CDCA7L: variants seen among roughly 807,000 people sequenced by gnomAD.
The protein encoded by CDCA7L is cell division cycle associated 7 like, also known as cell division cycle-associated 7-like protein.
Under a neutral mutation model 57.4 loss-of-function variants are expected in CDCA7L, and 44 were observed. The ratio of observed to expected loss-of-function variants is 0.77; its 90% CI spans 0.60 to 0.98. CDCA7L has a LOEUF of 0.98. CDCA7L is among the 50% of genes least tolerant of loss of function. The pLI is 0.00. For synonymous variants in CDCA7L, 236 were observed against 202.8 expected (o/e 1.16, Z -1.39); for missense variants, 644 against 580.6 (o/e 1.11, Z -1.12).
At chr7:21,920,155 C>T (rs1447446135) in intron 1 of CDCA7L, among the ~76,000 whole-genome samples, 4 of 152,178 alleles carry the variant, frequency 2.6e-5, no homozygotes, top group African/African-American at 9.7e-5. Context: ...TTGGCTTTTG[C>T]ACAATCAGTG....
intron 1 of CDCA7L, among the ~76,000 whole-genome samples, chr7:21,934,806 G>A (rs896988677): frequency 5.9e-5 from 9 of 152,134 alleles, no homozygotes; most frequent in East Asian, 1.9e-4. Context: ...GTCAAAAACT[G>A]TTGTGAAAGA....
At chr7:21,929,610 T>C (rs1322135676) in intron 1 of CDCA7L, among the ~76,000 whole-genome samples, 2 of 73,332 alleles carry the variant, frequency 2.7e-5, no homozygotes, top group Non-Finnish European at 5.2e-5. Context: ...GATGGAGGAA[T>C]ATTATCCAGC....
chr7:21,902,797 C>G lies in CDCA7L; in HGVS notation c.1334+181G>C, dbSNP rs1004285695. 8 of 593,370 alleles carry G rather than the reference C, an allele frequency of 1.3e-5. No homozygotes were observed. The African/African-American group carries it at 1.5e-4, about 11-fold the overall frequency. The allele number at this position is 593,370 out of a possible 1,614,324, so 36.8% of individuals were successfully genotyped here. ...AAAATCTAGCAAAGGAGAAGATTCCCTAATAGGGAAAATATCAGGCCTGAG... is the reference window on the plus strand; with the variant it reads ...AAAATCTAGCAAAGGAGAAGATTCCGTAATAGGGAAAATATCAGGCCTGAG... On this transcript the variant is annotated intron_variant, in intron 9 of 9. Coordinates refer to ENST00000406877, the MANE Select transcript of CDCA7L (RefSeq NM_018719.5).
chr7:21,945,354 C>G (rs1011175318), intron 1 of CDCA7L, among the ~76,000 whole-genome samples: 17 of 146,478 alleles, frequency 1.2e-4, no homozygotes, highest in Non-Finnish European at 2.5e-4. Context: ...GTCTGGCGAT[C>G]GACTGTTAAA....
chr7:21,908,538 A>T, intron 3 of CDCA7L, 31 bp from the exon 4 acceptor site: 1 of 1,494,024 alleles, frequency 6.7e-7, no homozygotes, highest in Non-Finnish European at 8.9e-7. Flanking sequence ...AAAAGCACAA[A>T]GACACTGTTA....
Position 21,900,919 on chromosome 7 carries a change from G to C in CDCA7L, c.*1403C>G. 1.4e-6 allele frequency: 2 copies of C among 1,446,244 alleles called. No homozygotes were observed. Among genetic ancestry groups the C allele is most frequent in the South Asian group, 1.5e-5 (1 of 64,862 alleles). 89.6% of individuals were successfully genotyped at this position (1,446,244 alleles called of 1,614,324 possible). On this transcript the variant is annotated 3_prime_UTR_variant, in exon 10 of 10. Coordinates refer to ENST00000406877, the MANE Select transcript of CDCA7L (RefSeq NM_018719.5). ...AAAAATATGACAAAACCAGAATGTTGAATGTTTATTGCATCAAACAACTTA... is the reference window on the plus strand; with the variant it reads ...AAAAATATGACAAAACCAGAATGTTCAATGTTTATTGCATCAAACAACTTA...
intron 9 of CDCA7L, 132 bp downstream of exon 9, chr7:21,902,846 G>T: frequency 1.3e-6 from 1 of 762,138 alleles, no homozygotes; most frequent in Non-Finnish European, 2.1e-6. Context: ...AACAGATACA[G>T]AATGGATGGT....
At chr7:21,941,210 GA>G (rs1330151301) in intron 1 of CDCA7L, among the ~76,000 whole-genome samples, 9 of 151,808 alleles carry the variant, frequency 5.9e-5, no homozygotes, top group East Asian at 1.9e-4. Context: ...CTCTAATAAA[GA>G]AAAAAATATT....
At chr7:21,930,995 T>A (rs879914718) in intron 1 of CDCA7L, among the ~76,000 whole-genome samples, 8 of 151,704 alleles carry the variant, frequency 5.3e-5, no homozygotes, top group Non-Finnish European at 5.9e-5. Flanking sequence ...GAGAATACTA[T>A]AAACAGCTCT....
At chr7:21,925,423 G>A (rs567837359) in intron 1 of CDCA7L, among the ~76,000 whole-genome samples, 1 of 152,314 alleles carries the variant, frequency 6.6e-6, no homozygotes, top group East Asian at 1.9e-4. Context: ...CTGGTATGAG[G>A]ACACTGAACC....
In CDCA7L at chr7:21,908,341, G is replaced by C. The variant is rs1436905850; in HGVS notation, c.470C>G (p.Pro157Arg). The change falls in exon 4 of 10, where the codon CCA (proline) becomes CGA (arginine). Residue 157 changes from proline to arginine, a missense_variant. Coordinates refer to ENST00000406877, the MANE Select transcript of CDCA7L (RefSeq NM_018719.5). ...CTGCTCGGAAGAACTGTTTTTATCT[G>C]GTTTGTTGGCCAGCTTCTTGGTGGG... The part of the protein sequence containing the change: ...QFPTKKLANK[P>R]DKNSSSEQLF... The C allele has an allele frequency of 6.2e-7, 1 of 1,608,012 alleles. No individual in the cohort carries two copies. The highest frequency in any genetic ancestry group is 8.5e-7 in the Non-Finnish European group (1 of 1,178,308).
intron 2 of CDCA7L, among the ~76,000 whole-genome samples, chr7:21,914,472 G>C (rs980799461): frequency 2.0e-4 from 31 of 152,194 alleles, no homozygotes; most frequent in Non-Finnish European, 2.8e-4. Flanking sequence ...AATCCAGTAA[G>C]ACTTCATGGA....
intron 1 of CDCA7L, among the ~76,000 whole-genome samples, chr7:21,928,302 C>T (rs2128066303): frequency 6.6e-6 from 1 of 152,230 alleles, no homozygotes; most frequent in South Asian, 2.1e-4. Flanking sequence ...ATCCGAAGGT[C>T]ACCAACATCA....
At chr7:21,904,610 G>T (rs900053783) in intron 7 of CDCA7L, among the ~76,000 whole-genome samples, 2 of 152,184 alleles carry the variant, frequency 1.3e-5, no homozygotes, top group Non-Finnish European at 2.9e-5. Flanking sequence ...GATCTAGGTT[G>T]TGCACCCTTT....
chr7:21,942,553 A>G (rs1165425969), intron 1 of CDCA7L, among the ~76,000 whole-genome samples: 3 of 152,056 alleles, frequency 2.0e-5, no homozygotes, highest in Non-Finnish European at 4.4e-5. Flanking sequence ...GTAAAGGAAA[A>G]CTCTCAAGAG....
At chr7:21,915,568 C>A (rs757759191) in intron 2 of CDCA7L, among the ~76,000 whole-genome samples, 4 of 145,536 alleles carry the variant, frequency 2.7e-5, no homozygotes, top group African/African-American at 1.0e-4. Flanking sequence ...GAGGCCAAGG[C>A]GGGCAGATCA....
chr7:21,912,001 C>A (rs1205727929), intron 2 of CDCA7L, among the ~76,000 whole-genome samples: 4 of 151,670 alleles, frequency 2.6e-5, no homozygotes. Flanking sequence ...AGTGGCTCAC[C>A]CTGTAATCCC....
chr7:21,927,849 G>C (rs974734830), intron 1 of CDCA7L, among the ~76,000 whole-genome samples: 9 of 152,214 alleles, frequency 5.9e-5, no homozygotes, highest in Admixed American at 1.3e-4. Flanking sequence ...CCATCTCCCT[G>C]GGACAGAGCA....
At chr7:21,908,562 A>G (rs1259505490) in intron 3 of CDCA7L, 55 bp from the exon 4 acceptor site, 2 of 1,391,742 alleles carry the variant, frequency 1.4e-6, no homozygotes, top group East Asian at 2.6e-5. Context: ...ACCCACAAAA[A>G]AGACATGCAT....
Sources: gnomAD v4.1 joint callset for allele counts (sites outside exome capture counted in the v4.1 genomes callset) on GRCh38, gnomAD v4.1.1 for gene constraint, MANE v1.5 for transcripts, NCBI Gene and HGNC (gene_info 2026-07-23, HGNC 2026-07-21) for gene names.